EPC2: variants seen among roughly 807,000 people sequenced by gnomAD.
EPC2 encodes the protein enhancer of polycomb homolog 2.
Under a neutral mutation model 92.1 loss-of-function variants are expected in EPC2, and 14 were observed. The ratio of observed to expected loss-of-function variants is 0.15; its 90% confidence interval spans 0.10 to 0.24. EPC2 has a LOEUF of 0.24. EPC2 is among the 10% of genes least tolerant of loss of function. The probability of loss-of-function intolerance (pLI) is 1.00; values close to 1 mark genes in which losing one functional copy is unlikely to be tolerated. For missense variants in EPC2, 755 were observed against 971.5 expected (o/e 0.78, Z 2.96); for synonymous variants, 340 against 334.7 (o/e 1.02, Z -0.17).
In EPC2 at chr2:148,765,006, A is replaced by G; in HGVS notation, c.1000A>G (p.Lys334Glu). The G allele has an allele frequency of 6.2e-7, 1 of 1,604,330 alleles. No homozygotes were observed. The highest frequency in any genetic ancestry group is 8.5e-7 in the Non-Finnish European group (1 of 1,174,942). Residue 334 changes from lysine (K) to glutamate (E), a missense_variant, in exon 7 of 14, where the codon AAG becomes GAG. Physicochemically the swap from Lys to Glu is moderately conservative, Grantham distance 56. Coordinates refer to ENST00000258484, the MANE Select transcript of EPC2 (RefSeq NM_015630.4). ...KEEASDVVRQ[K>E]KKYPKKPKAE... is the part of the protein sequence containing the mutation. ...AGAGGCTTCTGATGTGGTTCGTCAA[A>G]AGAAGAAGTACCCAAAGAAGCCTAA...
chr2:148,731,537 G>T (rs776714675), intron 2 of EPC2, among the ~76,000 whole-genome samples: 1 of 152,080 alleles, frequency 6.6e-6, no homozygotes, highest in Non-Finnish European at 1.5e-5. Context: ...CGAATAGCTG[G>T]GATTACAGAG....
In EPC2 at chr2:148,669,632, T is replaced by C. The variant is rs373153262; in HGVS notation, c.154-20582T>C. ...AGGGGATCGAGGCTGCAGTGCGCAG[T>C]GTTGGCACCAAAACAATCATCCAAA... On this transcript the variant is annotated intron_variant, in intron 1 of 13. Transcript: ENST00000258484. 9.2e-5 allele frequency among the ~76,000 whole-genome samples: 14 copies of C among 152,230 alleles called. No individual in the cohort carries two copies. In the East Asian group the frequency reaches 1.4e-3, roughly 15 times the overall value.
intron 2 of EPC2, among the ~76,000 whole-genome samples, chr2:148,729,855 A>G (rs749640100): frequency 5.9e-5 from 9 of 152,186 alleles, no homozygotes; most frequent in Non-Finnish European, 8.8e-5. Context: ...TGCCATTCTT[A>G]TGGCCTGTGG....
At position 148,743,645 on chromosome 2, in the gene EPC2, C is replaced by A; in HGVS notation, c.337C>A (p.Pro113Thr). 1 of 1,584,458 alleles carries A rather than the reference C, an allele frequency of 6.3e-7. No homozygotes were observed. Among genetic ancestry groups the A allele is most frequent in the East Asian group, 2.3e-5 (1 of 44,172 alleles). ...IQPFNLDNEQ[P>T]DYDMDSEDET... ...AGCTTTTAATCTAGACAACGAGCAACCAGATTATGATATGGATTCAGAAGA... is the reference window on the plus strand; with the variant it reads ...AGCTTTTAATCTAGACAACGAGCAAACAGATTATGATATGGATTCAGAAGA... The change falls in exon 3 of 14, where the codon CCA becomes ACA. Residue 113 changes from proline (P) to threonine (T), a missense_variant. By Grantham distance (38) the Pro-to-Thr change is conservative (BLOSUM62 -1). This residue lies in a region of EPC2 where 509 missense variants were observed against 607.7 expected (regional missense o/e 0.84). Coordinates refer to ENST00000258484, the MANE Select transcript of EPC2 (RefSeq NM_015630.4).
intron 2 of EPC2, among the ~76,000 whole-genome samples, chr2:148,712,242 GGGGTGT>G (rs1337174029): frequency 6.9e-6 from 1 of 145,500 alleles, no homozygotes; most frequent in Non-Finnish European, 1.5e-5. Flanking sequence ...TGTGTGTGTG[GGGGTGT>G]GTGTGTGTGT....
intron 1 of EPC2, among the ~76,000 whole-genome samples, chr2:148,687,478 C>T (rs945125955): frequency 6.6e-6 from 1 of 152,188 alleles, no homozygotes; most frequent in Non-Finnish European, 1.5e-5. Context: ...GGCAGGTCTC[C>T]GTTCTCATGC....
In EPC2 at chr2:148,707,735, C is replaced by G. The variant is rs553813113; in HGVS notation, c.313+17362C>G. Among the ~76,000 whole-genome samples the G allele has an allele frequency of 4.6e-5, 7 of 152,266 alleles. No individual in the cohort carries two copies. In the South Asian group the frequency reaches 1.5e-3, roughly 32 times the overall value. On this transcript the variant is annotated intron_variant, in intron 2 of 13. Transcript: ENST00000258484. ...AACTAGATGGAAACTGAACAACCTG[C>G]TCCTGAATGACTACTGGGTACATAA...
At chr2:148,693,646 G>A (rs1006003099) in intron 2 of EPC2, among the ~76,000 whole-genome samples, 1 of 152,086 alleles carries the variant, frequency 6.6e-6, no homozygotes, top group African/African-American at 2.4e-5. Context: ...TTATTACCTA[G>A]TACAGTCCCA....
chr2:148,780,533 C>T (rs1404980896), intron 10 of EPC2, among the ~76,000 whole-genome samples: 2 of 152,118 alleles, frequency 1.3e-5, no homozygotes, highest in Non-Finnish European at 1.5e-5. Flanking sequence ...TTAGATCACT[C>T]AATTGCATGT....
intron 1 of EPC2, among the ~76,000 whole-genome samples, chr2:148,657,448 C>T (rs528781730): frequency 6.6e-6 from 1 of 152,154 alleles, no homozygotes; most frequent in East Asian, 1.9e-4. Context: ...TCAGAATCAC[C>T]TAGAGGGCCT....
intron 2 of EPC2, among the ~76,000 whole-genome samples, chr2:148,721,890 C>CTT: frequency 0.59 from 35,739 of 60,624 alleles, 12,968 homozygotes; most frequent in Non-Finnish European, 0.73. Flanking sequence ...GTTTTGATTT[C>CTT]TTTTTTTTTT....
chr2:148,775,829 G>A (rs1408900922), intron 10 of EPC2, among the ~76,000 whole-genome samples: 1 of 131,466 alleles, frequency 7.6e-6, no homozygotes, highest in South Asian at 2.3e-4. Context: ...CCAGGCTGGA[G>A]TACAGTGGCA....
intron 3 of EPC2, among the ~76,000 whole-genome samples, chr2:148,748,745 AT>A (rs1238238808): frequency 6.6e-6 from 1 of 152,038 alleles, no homozygotes; most frequent in Non-Finnish European, 1.5e-5. Context: ...TTTTGACTGC[AT>A]TTTGATTGTG....
intron 1 of EPC2, among the ~76,000 whole-genome samples, chr2:148,660,696 A>G (rs1017254641): frequency 1.7e-4 from 26 of 151,916 alleles, no homozygotes; most frequent in Admixed American, 1.5e-3. Flanking sequence ...TTGTTCTAGT[A>G]TACACTGCGT....
intron 2 of EPC2, among the ~76,000 whole-genome samples, chr2:148,704,185 C>T (rs1185385791): frequency 2.6e-5 from 4 of 152,034 alleles, no homozygotes; most frequent in South Asian, 2.1e-4. Flanking sequence ...CAAAATGTGG[C>T]GTGTACTTAG....
At chr2:148,745,241 T>C (rs1476097690) in intron 3 of EPC2, among the ~76,000 whole-genome samples, 5 of 152,060 alleles carry the variant, frequency 3.3e-5, no homozygotes, top group African/African-American at 1.2e-4. Flanking sequence ...TAAATTTTCT[T>C]AGCAATCCTA....
At chr2:148,652,734 C>T (rs1031379691) in intron 1 of EPC2, among the ~76,000 whole-genome samples, 9 of 152,194 alleles carry the variant, frequency 5.9e-5, no homozygotes, top group Non-Finnish European at 1.2e-4. Context: ...CTCTTTAATA[C>T]TGCTGAGATC....
At chr2:148,660,506 G>A (rs1680909680) in intron 1 of EPC2, among the ~76,000 whole-genome samples, 1 of 151,536 alleles carries the variant, frequency 6.6e-6, no homozygotes, top group African/African-American at 2.4e-5. Context: ...CTAGTTAGTG[G>A]TCTGGTGTAT....
chr2:148,747,316 T>TCCTAATC (rs1164707104), intron 3 of EPC2, among the ~76,000 whole-genome samples: 2 of 152,088 alleles, frequency 1.3e-5, no homozygotes, highest in African/African-American at 4.8e-5. Flanking sequence ...TACCTTTTAC[T>TCCTAATC]CCTGTAGAAG....
Sources: allele counts gnomAD v4.1 joint callset (sites outside exome capture counted in the v4.1 genomes callset), GRCh38; gene constraint gnomAD v4.1.1; regional missense constraint gnomAD v4.1.1; transcripts MANE v1.5; gene names NCBI Gene and HGNC (gene_info 2026-07-23, HGNC 2026-07-21).